GMEB1: variants seen among roughly 807,000 people sequenced by gnomAD.
The protein encoded by GMEB1 is glucocorticoid modulatory element binding protein 1, also known as glucocorticoid modulatory element-binding protein 1.
Under a neutral mutation model 52.4 loss-of-function variants are expected in GMEB1, and 6 were observed. The ratio of observed to expected loss-of-function variants is 0.11; its 90% confidence interval spans 0.06 to 0.23. GMEB1 has a LOEUF of 0.23. Ranked by LOEUF, GMEB1 falls within the 10% of genes least tolerant of loss-of-function variation. The pLI, the probability that GMEB1 is intolerant of heterozygous loss-of-function variation, is 1.00. For missense variants in GMEB1, 486 were observed against 685.6 expected (o/e 0.71, Z 3.25); for synonymous variants, 255 against 244.9 (o/e 1.04, Z -0.38).
intron 1 of GMEB1, among the ~76,000 whole-genome samples, chr1:28,682,390 C>T (rs1044812790): frequency 1.3e-5 from 2 of 151,862 alleles, no homozygotes; most frequent in Admixed American, 6.6e-5. Context: ...GAGGCTGAGA[C>T]GGGTGGATCA....
intron 5 of GMEB1, among the ~76,000 whole-genome samples, chr1:28,693,903 ATTAT>A: frequency 6.6e-6 from 1 of 152,130 alleles, no homozygotes; most frequent in East Asian, 1.9e-4. Flanking sequence ...TGTTTATTAC[ATTAT>A]TTATTAATGT....
chr1:28,693,057 T>C lies in GMEB1; in HGVS notation c.440+12T>C. The C allele has an allele frequency of 6.9e-7, 1 of 1,439,260 alleles. No individual in the cohort carries two copies. Among genetic ancestry groups the C allele is most frequent in the Non-Finnish European group, 9.6e-7 (1 of 1,038,510 alleles). The allele number at this position is 1,439,260 out of a possible 1,614,324, so 89.2% of individuals were successfully genotyped here. On this transcript the variant is annotated intron_variant, in intron 5 of 9. Coordinates refer to ENST00000373816, the MANE Select transcript of GMEB1 (RefSeq NM_001319674.2). ...GGGATCATGCTCAGGTAAGCTCTAA[T>C]GTCAAGCACATACCTTTCAACAAAC...
At chr1:28,694,380 G>A (rs1206042659) in intron 5 of GMEB1, among the ~76,000 whole-genome samples, 7 of 150,092 alleles carry the variant, frequency 4.7e-5, no homozygotes, top group Admixed American at 2.7e-4. Flanking sequence ...TTTTTTAATA[G>A]AGACGGGGTT....
At chr1:28,710,027 G>A (rs1485073901) in intron 8 of GMEB1, among the ~76,000 whole-genome samples, 2 of 151,896 alleles carry the variant, frequency 1.3e-5, no homozygotes, top group Non-Finnish European at 2.9e-5. Context: ...GGCACCTGTA[G>A]TCCCAGCTAC....
At position 28,673,850 on chromosome 1, in the gene GMEB1, CAAAGAAGTAAAGAAAT is replaced by C. The variant is rs576012811; in HGVS notation, c.-31+5012_-31+5027del. On this transcript the variant is annotated intron_variant, in intron 1 of 9. Coordinates refer to ENST00000373816, the MANE Select transcript of GMEB1 (RefSeq NM_001319674.2). ...GCAACATAGCAAGACCTCATGTCTA[CAAAGAAGTAAAGAAAT>C]TAGGCCAGGCGTGGTGTCTCATGCC... Among the ~76,000 whole-genome samples, 278 of 151,798 alleles carry C rather than the reference CAAAGAAGTAAAGAAAT, an allele frequency of 1.8e-3. 1 individual carries two copies. Among genetic ancestry groups the C allele is most frequent in the Middle Eastern group, 3.4e-3 (1 of 294 alleles).
At chr1:28,676,661 C>A (rs1407011398) in intron 1 of GMEB1, among the ~76,000 whole-genome samples, 2 of 151,150 alleles carry the variant, frequency 1.3e-5, no homozygotes, top group African/African-American at 4.9e-5. Flanking sequence ...GGAGGCGGAG[C>A]CTTCAGTGAG....
intron 2 of GMEB1, among the ~76,000 whole-genome samples, chr1:28,688,656 G>A (rs939295164): frequency 4.6e-5 from 7 of 151,922 alleles, no homozygotes; most frequent in African/African-American, 1.5e-4. Flanking sequence ...CGTGTCAATA[G>A]TTTGGTTATG....
Position 28,717,100 on chromosome 1 carries a change from C to A in GMEB1, c.*2327C>A, listed in dbSNP as rs1671294318. ...GTTTCTTCCAACAGATGTTGGAAAC[C>A]CCATCGAGCAAGTAAAAGTTGCATT... On this transcript the variant is annotated 3_prime_UTR_variant, in exon 10 of 10. Coordinates refer to ENST00000373816, the MANE Select transcript of GMEB1 (RefSeq NM_001319674.2). 1 of 151,642 alleles carries A rather than the reference C, an allele frequency of 6.6e-6. No homozygotes were observed. The highest frequency in any genetic ancestry group is 6.6e-5 in the Admixed American group (1 of 15,224). The allele number at this position is 151,642 out of a possible 1,614,324, so 9.4% of individuals were successfully genotyped here. A position where few individuals can be genotyped will look rare whatever the true frequency, so the allele number is the denominator to read the frequency against.
chr1:28,673,330 C>T (rs1056042770), intron 1 of GMEB1, among the ~76,000 whole-genome samples: 2 of 152,100 alleles, frequency 1.3e-5, no homozygotes, highest in Admixed American at 1.3e-4. Flanking sequence ...GTTCTTGTCT[C>T]ACTGTAACCT....
At chr1:28,681,350 G>A (rs750962655) in intron 1 of GMEB1, among the ~76,000 whole-genome samples, 19 of 152,086 alleles carry the variant, frequency 1.2e-4, no homozygotes, top group African/African-American at 1.9e-4. Context: ...TCTGGGCAAC[G>A]GAGCGAGACC....
intron 8 of GMEB1, among the ~76,000 whole-genome samples, chr1:28,705,790 G>A (rs1670729762): frequency 6.6e-6 from 1 of 151,674 alleles, no homozygotes; most frequent in African/African-American, 2.4e-5. Context: ...CATTCATTAT[G>A]TGGTATGTCC....
At chr1:28,679,384 G>T (rs139554123) in intron 1 of GMEB1, among the ~76,000 whole-genome samples, 157 of 152,094 alleles carry the variant, frequency 1.0e-3, no homozygotes, top group African/African-American at 3.6e-3. Context: ...CACCCTGCTG[G>T]CCAAGGTGGT....
chr1:28,694,037 A>C (rs1460420503), intron 5 of GMEB1, among the ~76,000 whole-genome samples: 1 of 152,138 alleles, frequency 6.6e-6, no homozygotes, highest in Admixed American at 6.6e-5. Context: ...ATTTCTGAAG[A>C]GATTTTACAT....
chr1:28,686,842 A>G (rs573733877), intron 2 of GMEB1, among the ~76,000 whole-genome samples: 41 of 152,184 alleles, frequency 2.7e-4, no homozygotes, highest in Admixed American at 4.6e-4. Flanking sequence ...TACAAAATTG[A>G]ATAAATGAAT....
chr1:28,705,510 C>T (rs1160748968), intron 8 of GMEB1, among the ~76,000 whole-genome samples: 8 of 144,948 alleles, frequency 5.5e-5, no homozygotes, highest in East Asian at 4.1e-4. Flanking sequence ...AGTGCAGTGG[C>T]GTGATCTCAG....
chr1:28,687,379 C>CAAAAAAAAAAAAAAAA (rs1399256461), intron 2 of GMEB1, among the ~76,000 whole-genome samples: 1 of 16,378 alleles, frequency 6.1e-5, no homozygotes, highest in African/African-American at 1.6e-4. Context: ...CACACACACA[C>CAAAAAAAAAAAAAAAA]ACACACACAA....
intron 8 of GMEB1, among the ~76,000 whole-genome samples, chr1:28,705,096 A>C (rs912635987): frequency 2.0e-5 from 3 of 151,342 alleles, no homozygotes; most frequent in East Asian, 1.9e-4. Context: ...AAAAAAAAAA[A>C]AAAAAACACA....
At chr1:28,685,180 T>C (rs1274079829) in intron 2 of GMEB1, among the ~76,000 whole-genome samples, 1 of 151,960 alleles carries the variant, frequency 6.6e-6, no homozygotes, top group Non-Finnish European at 1.5e-5. Flanking sequence ...TATGAAGGTG[T>C]TGGAAAAAGA....
intron 6 of GMEB1, among the ~76,000 whole-genome samples, 184 bp downstream of exon 6, chr1:28,697,268 G>A (rs964458235): frequency 6.7e-6 from 1 of 149,408 alleles, no homozygotes; most frequent in Non-Finnish European, 1.5e-5. Flanking sequence ...GAGTGCAGTA[G>A]CGTGATCTCA....
Sources: allele counts gnomAD v4.1 joint callset (sites outside exome capture counted in the v4.1 genomes callset), GRCh38; gene constraint gnomAD v4.1.1; transcripts MANE v1.5; gene names NCBI Gene and HGNC (gene_info 2026-07-23, HGNC 2026-07-21).